Variants in PANX2 observed in about 807,000 individuals in gnomAD.
The protein encoded by PANX2 is pannexin 2.
PANX2 carries 30 observed loss-of-function variants against 38.7 expected under a neutral mutation model. The observed-to-expected ratio is 0.78, with a 90% CI of 0.58 to 1.05. The LOEUF is 1.05. Ranked by LOEUF, PANX2 falls within the 50% of genes least tolerant of loss-of-function variation. PANX2 has a pLI of 0.00. For missense variants in PANX2, 880 were observed against 979.3 expected (o/e 0.90, Z 1.35); for synonymous variants, 539 against 472.1 (o/e 1.14, Z -1.84).
In PANX2 at chr22:50,174,441, G is replaced by A. The variant is rs545822727; in HGVS notation, c.227-2498G>A. On this transcript the variant is annotated intron_variant, in intron 1 of 2. Transcript: ENST00000395842. ...CGTGTTGGGGTGTATTCAGACACCC[G>A]CTCAGAGGTGCTCCAAGCAGCACCA... is the stretch of plus-strand genomic sequence containing the variant. 4.6e-5 allele frequency among the ~76,000 whole-genome samples: 7 copies of A among 152,310 alleles called. No homozygotes were observed. In the South Asian group the frequency reaches 6.2e-4, roughly 14 times the overall value.
intron 1 of PANX2, chr22:50,175,393 C>A: frequency 8.4e-7 from 1 of 1,192,694 alleles, no homozygotes; most frequent in Non-Finnish European, 1.1e-6. Context: ...GGGCCCAGCT[C>A]AGGACGGGAC....
intron 1 of PANX2, among the ~76,000 whole-genome samples, chr22:50,172,877 C>T (rs1208950621): frequency 2.7e-5 from 4 of 149,356 alleles, no homozygotes; most frequent in Non-Finnish European, 4.5e-5. Context: ...TACAGGCACC[C>T]GCCACCACGC....
In PANX2 at chr22:50,177,971, C is replaced by G; in HGVS notation, c.1259C>G (p.Pro420Arg). 6.5e-7 allele frequency: 1 copy of G among 1,534,534 alleles called. No homozygotes were observed. Among genetic ancestry groups the G allele is most frequent in the South Asian group, 1.2e-5 (1 of 83,748 alleles). ...NPAEPDGAAE[P>R]PVVKRPRKKM... The stretch of plus-strand genomic sequence containing the variant: ...GCCGAGCCCGACGGCGCCGCCGAGC[C>G]GCCCGTGGTCAAGCGGCCGCGCAAG... The change falls in exon 2 of 3, where the codon CCG (proline) becomes CGG (arginine). Residue 420 changes from proline (P) to arginine (R), a missense_variant. Physicochemically the swap from Pro to Arg is moderately radical, Grantham distance 103. Coordinates refer to ENST00000395842, the MANE Select transcript of PANX2 (RefSeq NM_052839.4).
At position 50,170,886 on chromosome 22, in the gene PANX2, G is replaced by C. The variant is rs2063625937; in HGVS notation, c.156G>C (p.Arg52=). 3 of 1,519,502 alleles carry C rather than the reference G, an allele frequency of 2.0e-6. No homozygotes were observed. Among genetic ancestry groups the C allele is most frequent in the Non-Finnish European group, 2.7e-6 (3 of 1,131,832 alleles). 94.1% of individuals were successfully genotyped at this position (1,519,502 alleles called of 1,614,324 possible). ...LQLKLELPFD[R]VVTIGTVLVP... ...TGAAGCTGGAGCTGCCGTTCGACCGGGTGGTCACCATCGGCACCGTGCTGG... is the reference window on the plus strand; with the variant it reads ...TGAAGCTGGAGCTGCCGTTCGACCGCGTGGTCACCATCGGCACCGTGCTGG... The change falls in exon 1 of 3, where the codon CGG becomes CGC. Residue 52 remains arginine (R), a synonymous_variant. Coordinates refer to ENST00000395842, the MANE Select transcript of PANX2 (RefSeq NM_052839.4).
Position 50,178,001 on chromosome 22 carries a change from T to C in PANX2, c.1289T>C (p.Met430Thr). ...GTGGTCAAGCGGCCGCGCAAGAAGATGAAGTGGATCCCCACCAGCAACCCG... is the reference window on the plus strand; with the variant it reads ...GTGGTCAAGCGGCCGCGCAAGAAGACGAAGTGGATCCCCACCAGCAACCCG... ...PPVVKRPRKK[M>T]KWIPTSNPLP... Residue 430 changes from methionine (M) to threonine (T), a missense_variant, in exon 2 of 3, where the codon ATG (methionine) becomes ACG (threonine). By Grantham distance (81) the Met-to-Thr change is moderately conservative. This residue lies in a region of PANX2 where 445 missense variants were observed against 404.3 expected (regional missense o/e 1.10). Coordinates refer to ENST00000395842, the MANE Select transcript of PANX2 (RefSeq NM_052839.4). 6.5e-7 allele frequency: 1 copy of C among 1,542,372 alleles called. No individual in the cohort carries two copies. The highest frequency in any genetic ancestry group is 8.7e-7 in the Non-Finnish European group (1 of 1,149,106).
At position 50,178,140 on chromosome 22, in the gene PANX2, G is replaced by A. The variant is rs749441782; in HGVS notation, c.1428G>A (p.Leu476=). ...CCACGGACACGCTGATCGCGCCGCTGCTGGACCGCTCCGCCCACCACTACA... is the reference window on the plus strand; with the variant it reads ...CCACGGACACGCTGATCGCGCCGCTACTGGACCGCTCCGCCCACCACTACA... ...KTATDTLIAP[L]LDRSAHHYKG... is the part of the protein sequence containing the mutation. The change falls in exon 2 of 3, where the codon CTG becomes CTA. Residue 476 remains leucine (L), a synonymous_variant. Transcript: ENST00000395842. The A allele has an allele frequency of 2.4e-5, 37 of 1,526,602 alleles. No homozygotes were observed. The East Asian group carries it at 8.3e-4, about 34-fold the overall frequency. 94.6% of individuals were successfully genotyped at this position (1,526,602 alleles called of 1,614,324 possible).
rs1400497729 is a variant in PANX2, at chr22:50,179,619, C to G, written c.*342C>G. The G allele has an allele frequency of 3.6e-6, 1 of 276,520 alleles. No homozygotes were observed. Among genetic ancestry groups the G allele is most frequent in the Non-Finnish European group, 7.0e-6 (1 of 143,656 alleles). 17.1% of individuals were successfully genotyped at this position (276,520 alleles called of 1,614,324 possible). A position where few individuals can be genotyped will look rare whatever the true frequency, so the allele number is the denominator to read the frequency against. On this transcript the variant is annotated 3_prime_UTR_variant, in exon 3 of 3. Transcript: ENST00000395842. ...GTTTATTTTTTTAGTCCGTTTCGTC[C>G]TGGCCCCGGGCTGTGGCGAGACAGC...
At chr22:50,176,354 G>A (rs2063661130) in intron 1 of PANX2, among the ~76,000 whole-genome samples, 1 of 152,238 alleles carries the variant, frequency 6.6e-6, no homozygotes, top group Non-Finnish European at 1.5e-5. Context: ...CCCACCTGGT[G>A]TCTGGTGTCC....
chr22:50,178,081 G>A lies in PANX2; in HGVS notation c.1369G>A (p.Ala457Thr). 1 of 1,553,640 alleles carries A rather than the reference G, an allele frequency of 6.4e-7. No homozygotes were observed. The highest frequency in any genetic ancestry group is 2.4e-5 in the East Asian group (1 of 41,900). Residue 457 changes from alanine to threonine, a missense_variant, in exon 2 of 3, where the codon GCG (alanine) becomes ACG (threonine). Transcript: ENST00000395842. ...LAIMRVENSK[A>T]EKPKPARRKT... is the part of the protein sequence containing the mutation. Reference sequence around the variant, plus strand: ...CATCATGCGCGTGGAGAACAGCAAGGCGGAGAAGCCGAAGCCCGCGCGCAG... The same window carrying A: ...CATCATGCGCGTGGAGAACAGCAAGACGGAGAAGCCGAAGCCCGCGCGCAG...
Position 50,179,860 on chromosome 22 carries a change from C to G in PANX2, c.*583C>G, listed in dbSNP as rs999857583. 1 of 158,094 alleles carries G rather than the reference C, an allele frequency of 6.3e-6. No individual in the cohort carries two copies. Among genetic ancestry groups the G allele is most frequent in the Non-Finnish European group, 1.4e-5 (1 of 71,406 alleles). 9.8% of individuals were successfully genotyped at this position (158,094 alleles called of 1,614,324 possible). On this transcript the variant is annotated 3_prime_UTR_variant, in exon 3 of 3. Transcript: ENST00000395842. ...GTCGCCTGACAGACATTTTATTTTA[C>G]TAAGACTGCTGTACCGAACAAGCAT...
chr22:50,173,117 C>A (rs139948926), intron 1 of PANX2, among the ~76,000 whole-genome samples: 3 of 151,948 alleles, frequency 2.0e-5, no homozygotes. Flanking sequence ...AGGATGGTCT[C>A]GATCTCCTGA....
At chr22:50,172,142 A>G (rs1457722187) in intron 1 of PANX2, among the ~76,000 whole-genome samples, 1 of 152,194 alleles carries the variant, frequency 6.6e-6, no homozygotes, top group Non-Finnish European at 1.5e-5. Context: ...GCCTTGGGGC[A>G]GGCCCAGCAT....
At chr22:50,171,948 C>T (rs909252257) in intron 1 of PANX2, among the ~76,000 whole-genome samples, 1 of 152,224 alleles carries the variant, frequency 6.6e-6, no homozygotes, top group South Asian at 2.1e-4. Flanking sequence ...AAGGAGTCCC[C>T]GTGGCCTGGA....
intron 1 of PANX2, among the ~76,000 whole-genome samples, chr22:50,172,821 C>T (rs555232720): frequency 6.3e-4 from 95 of 151,124 alleles, no homozygotes; most frequent in African/African-American, 2.2e-3. Flanking sequence ...CTTTGCCTCC[C>T]GGGTTCAAGC....
rs747245861 is a variant in PANX2, at chr22:50,177,889, G to A, written c.1177G>A (p.Ala393Thr). 8 of 1,542,248 alleles carry A rather than the reference G, an allele frequency of 5.2e-6. No individual in the cohort carries two copies. The highest frequency in any genetic ancestry group is 5.2e-6 in the Non-Finnish European group (6 of 1,148,818). Residue 393 changes from alanine (A) to threonine (T), a missense_variant, in exon 2 of 3, where the codon GCC (alanine) becomes ACC (threonine). This residue lies in a region of PANX2 where 78 missense variants were observed against 133.1 expected (regional missense o/e 0.59). Transcript: ENST00000395842. ...LAALAQSNHD[A>T]TPTVRDSGVQ... ...GGCGCTGGCGCAGTCCAACCACGACGCCACCCCCACGGTGCGCGACTCGGG... is the reference window on the plus strand; with the variant it reads ...GGCGCTGGCGCAGTCCAACCACGACACCACCCCCACGGTGCGCGACTCGGG...
At chr22:50,174,772 C>T (rs2063653222) in intron 1 of PANX2, among the ~76,000 whole-genome samples, 1 of 152,196 alleles carries the variant, frequency 6.6e-6, no homozygotes, top group Non-Finnish European at 1.5e-5. Context: ...GGGATGGGCC[C>T]GTGGATTTGG....
Position 50,177,563 on chromosome 22 carries a change from T to A in PANX2, c.851T>A (p.Val284Glu). The change falls in exon 2 of 3, where the codon GTG becomes GAG. Residue 284 changes from valine to glutamate, a missense_variant. By Grantham distance (121) the Val-to-Glu change is moderately radical. This residue lies in a region of PANX2 where 114 missense variants were observed against 108.8 expected (regional missense o/e 1.05). Transcript: ENST00000395842. ...AVRVSCKLPS[V>E]QLQRIIAGVD... ...CGCGTGAGCTGCAAGCTCCCGTCCG[T>A]GCAACTGCAGCGCATCATCGCGGGC... 1 of 1,612,492 alleles carries A rather than the reference T, an allele frequency of 6.2e-7. No homozygotes were observed. The highest frequency in any genetic ancestry group is 8.5e-7 in the Non-Finnish European group (1 of 1,179,866).
In PANX2 at chr22:50,178,982, G is replaced by A. The variant is rs751701150; in HGVS notation, c.1739G>A (p.Arg580Gln). 23 of 1,606,630 alleles carry A rather than the reference G, an allele frequency of 1.4e-5. No homozygotes were observed. The highest frequency in any genetic ancestry group is 3.3e-5 in the South Asian group (3 of 90,698). Residue 580 changes from arginine to glutamine, a missense_variant, in exon 3 of 3, where the codon CGG becomes CAG. Coordinates refer to ENST00000395842, the MANE Select transcript of PANX2 (RefSeq NM_052839.4). Reference sequence around the variant, plus strand: ...ATCCCGTACCCCACAGAGCCAGCCCGGGCAGGGCTTCCCTCGGGGGGCCCG... The same window carrying A: ...ATCCCGTACCCCACAGAGCCAGCCCAGGCAGGGCTTCCCTCGGGGGGCCCG... Reference protein sequence around the residue: ...KEIPYPTEPARAGLPSGGPFH... With the variant: ...KEIPYPTEPAQAGLPSGGPFH...
In PANX2 at chr22:50,170,875, C is replaced by T; in HGVS notation, c.145C>T (p.Pro49Ser). 6.6e-7 allele frequency: 1 copy of T among 1,521,084 alleles called. No individual in the cohort carries two copies. Among genetic ancestry groups the T allele is most frequent in the Admixed American group, 2.1e-5 (1 of 48,616 alleles). 94.2% of individuals were successfully genotyped at this position (1,521,084 alleles called of 1,614,324 possible). The part of the protein sequence containing the change: ...ALLLQLKLEL[P>S]FDRVVTIGTV... ...GCTTCTGCAGCTGAAGCTGGAGCTG[C>T]CGTTCGACCGGGTGGTCACCATCGG... The change falls in exon 1 of 3, where the codon CCG becomes TCG. Residue 49 changes from proline (P) to serine (S), a missense_variant. Coordinates refer to ENST00000395842, the MANE Select transcript of PANX2 (RefSeq NM_052839.4).
Sources: gnomAD v4.1 joint callset for allele counts (sites outside exome capture counted in the v4.1 genomes callset) on GRCh38, gnomAD v4.1.1 for gene constraint, gnomAD v4.1.1 regional missense constraint, MANE v1.5 for transcripts, NCBI Gene and HGNC (gene_info 2026-07-23, HGNC 2026-07-21) for gene names.